Variants in GRIA2 observed in about 807,000 individuals in gnomAD.
The protein encoded by GRIA2 is glutamate ionotropic receptor AMPA type subunit 2, also known as glutamate receptor 2.
In GRIA2, 14 loss-of-function variants were observed where a neutral mutation model predicts 97.3. That is an observed-to-expected ratio of 0.14 (90% CI 0.10 to 0.23). The LOEUF is 0.23. Among genes scored for constraint, GRIA2 ranks in the 10% least tolerant of loss-of-function variants. The pLI, the probability that GRIA2 is intolerant of heterozygous loss-of-function variation, is 1.00. For missense variants in GRIA2, 558 were observed against 1,069.8 expected (o/e 0.52, Z 6.67); for synonymous variants, 412 against 387.8 (o/e 1.06, Z -0.73).
At chr4:157,351,105 A>C (rs1383380944) in intron 12 of GRIA2, among the ~76,000 whole-genome samples, 1 of 152,098 alleles carries the variant, frequency 6.6e-6, no homozygotes, top group African/African-American at 2.4e-5. Context: ...GTGGTATAAC[A>C]ACAGCTTCTG....
At chr4:157,321,654 G>A (rs550346879) in intron 6 of GRIA2, 55 bp downstream of exon 6, 1 of 1,270,746 alleles carries the variant, frequency 7.9e-7, no homozygotes, top group Non-Finnish European at 1.1e-6. Flanking sequence ...AGAGAGAAGA[G>A]TCTTGGCAAA....
intron 2 of GRIA2, among the ~76,000 whole-genome samples, chr4:157,246,637 T>C (rs905555161): frequency 4.6e-5 from 7 of 152,132 alleles, no homozygotes; most frequent in African/African-American, 1.7e-4. Flanking sequence ...GGATTTACTC[T>C]TATAAATTGC....
intron 2 of GRIA2, among the ~76,000 whole-genome samples, chr4:157,237,778 G>T (rs1730319015): frequency 6.6e-6 from 1 of 152,090 alleles, no homozygotes; most frequent in African/African-American, 2.4e-5. Context: ...AATAAAAGAG[G>T]ATGTCAGATT....
intron 7 of GRIA2, 100 bp from the exon 8 acceptor site, chr4:157,333,149 T>G (rs1186287220): frequency 3.3e-6 from 3 of 899,400 alleles, no homozygotes; most frequent in Non-Finnish European, 5.1e-6. Flanking sequence ...ATATTATTGA[T>G]GTAGTTTTCT....
chr4:157,270,770 C>T (rs575279190), intron 2 of GRIA2, among the ~76,000 whole-genome samples: 3 of 152,004 alleles, frequency 2.0e-5, no homozygotes, highest in South Asian at 2.1e-4. Context: ...GTCAGGAAGA[C>T]GTTCAGAAGA....
intron 5 of GRIA2, among the ~76,000 whole-genome samples, chr4:157,319,071 G>A (rs1476133266): frequency 1.3e-5 from 2 of 152,120 alleles, no homozygotes; most frequent in Non-Finnish European, 2.9e-5. Flanking sequence ...AATGAAATGG[G>A]TAACTACTAT....
At chr4:157,257,607 A>C (rs1268051582) in intron 2 of GRIA2, among the ~76,000 whole-genome samples, 3 of 152,126 alleles carry the variant, frequency 2.0e-5, no homozygotes, top group East Asian at 3.9e-4. Flanking sequence ...CACTTGTGAG[A>C]CCAGTATATA....
chr4:157,354,703 A>G (rs1189591377), intron 12 of GRIA2, among the ~76,000 whole-genome samples: 1 of 152,164 alleles, frequency 6.6e-6, no homozygotes, highest in African/African-American at 2.4e-5. Flanking sequence ...TTATAGCAGC[A>G]AAAATGAAGT....
rs1443942596 is a variant in GRIA2, at chr4:157,336,415, T to C, written c.1512T>C (p.Leu504=). The stretch of plus-strand genomic sequence containing the variant: ...CAATTGCTCCATTAACTATTACCCT[T>C]GTGAGAGAAGAGGTGATTGACTTCT... ...DIAIAPLTIT[L]VREEVIDFSK... Residue 504 remains leucine, a synonymous_variant, in exon 11 of 16, where the codon CTT becomes CTC. Coordinates refer to ENST00000264426, the MANE Select transcript of GRIA2 (RefSeq NM_001083619.3). The C allele has an allele frequency of 1.3e-6, 2 of 1,597,250 alleles. No homozygotes were observed. The highest frequency in any genetic ancestry group is 2.7e-5 in the African/African-American group (2 of 74,152).
chr4:157,313,627 G>A (rs1387771855), intron 4 of GRIA2, among the ~76,000 whole-genome samples: 2 of 152,040 alleles, frequency 1.3e-5, no homozygotes, highest in South Asian at 2.1e-4. Flanking sequence ...TAAGTGACTA[G>A]GGATGATAGT....
intron 2 of GRIA2, among the ~76,000 whole-genome samples, chr4:157,265,224 A>G (rs1323542600): frequency 2.0e-5 from 3 of 152,178 alleles, no homozygotes; most frequent in Non-Finnish European, 4.4e-5. Flanking sequence ...CAAGCAAAAC[A>G]TAGTTTCTAT....
intron 12 of GRIA2, among the ~76,000 whole-genome samples, chr4:157,353,732 AAT>A (rs1414462398): frequency 1.3e-5 from 2 of 152,112 alleles, no homozygotes; most frequent in Non-Finnish European, 2.9e-5. Context: ...TTATAGTTAT[AAT>A]TGTCAATAAA....
intron 12 of GRIA2, among the ~76,000 whole-genome samples, chr4:157,353,406 C>T (rs1412069082): frequency 4.6e-5 from 7 of 151,810 alleles, no homozygotes; most frequent in Non-Finnish European, 8.8e-5. Flanking sequence ...CGTGGTGGCT[C>T]ACGCCTGTAA....
At chr4:157,338,959 T>TA (rs933759525) in intron 11 of GRIA2, among the ~76,000 whole-genome samples, 1 of 151,916 alleles carries the variant, frequency 6.6e-6, no homozygotes, top group Non-Finnish European at 1.5e-5. Context: ...CTTTAAATAT[T>TA]AAAAAAATTA....
chr4:157,314,731 A>G (rs922443028), intron 4 of GRIA2, among the ~76,000 whole-genome samples: 6 of 152,178 alleles, frequency 3.9e-5, no homozygotes, highest in Non-Finnish European at 7.4e-5. Context: ...TGATGTTTTG[A>G]TTACATAAAC....
At chr4:157,282,135 A>G (rs1350288966) in intron 2 of GRIA2, among the ~76,000 whole-genome samples, 1 of 152,054 alleles carries the variant, frequency 6.6e-6, no homozygotes, top group South Asian at 2.1e-4. Flanking sequence ...TTTATCTGCC[A>G]TTCTTCTAAG....
intron 2 of GRIA2, among the ~76,000 whole-genome samples, chr4:157,242,091 T>G (rs1730536220): frequency 6.6e-6 from 1 of 152,096 alleles, no homozygotes; most frequent in Non-Finnish European, 1.5e-5. Context: ...GGTAGAGTCT[T>G]GTGTTGGCAG....
At chr4:157,270,953 A>C (rs1731996959) in intron 2 of GRIA2, among the ~76,000 whole-genome samples, 1 of 150,688 alleles carries the variant, frequency 6.6e-6, no homozygotes, top group Non-Finnish European at 1.5e-5. Flanking sequence ...TACATTTTTA[A>C]TGAGCTGTTT....
At chr4:157,354,133 A>T (rs1266954004) in intron 12 of GRIA2, among the ~76,000 whole-genome samples, 1 of 152,126 alleles carries the variant, frequency 6.6e-6, no homozygotes, top group African/African-American at 2.4e-5. Context: ...AGGAGAGCTT[A>T]ATGTGCAAAG....
Sources: gnomAD v4.1 joint callset for allele counts (sites outside exome capture counted in the v4.1 genomes callset) on GRCh38, gnomAD v4.1.1 for gene constraint, MANE v1.5 for transcripts, NCBI Gene and HGNC (gene_info 2026-07-23, HGNC 2026-07-21) for gene names.